RAP1GAP2: variants seen among roughly 807,000 people sequenced by gnomAD.
The protein encoded by RAP1GAP2 is RAP1 GTPase activating protein 2.
A neutral mutation model predicts 95.0 loss-of-function variants in RAP1GAP2; 27 were observed. That is an observed-to-expected ratio of 0.28 (90% confidence interval 0.21 to 0.39). RAP1GAP2 has a LOEUF of 0.39. Among genes scored for constraint, RAP1GAP2 ranks in the 10% least tolerant of loss-of-function variants. The probability of loss-of-function intolerance (pLI) is 1.00; values close to 1 mark genes in which losing one functional copy is unlikely to be tolerated. For missense variants in RAP1GAP2, 771 were observed against 970.0 expected, an observed-to-expected ratio of 0.79 and a Z score of 2.72; for synonymous variants, 373 against 380.9, an observed-to-expected ratio of 0.98 and a Z score of 0.24.
At chr17:2,873,474 CAAAAAAAAAAAAAAAAAA>C (rs71153308) in intron 2 of RAP1GAP2, among the ~76,000 whole-genome samples, 12 of 11,422 alleles carry the variant, frequency 1.1e-3, no homozygotes, top group East Asian at 7.7e-3. Flanking sequence ...GACCCTGTCT[CAAAAAAAAAAAAAAAAAA>C]AAAAAAAAAA....
intron 12 of RAP1GAP2, among the ~76,000 whole-genome samples, chr17:2,993,003 G>A (rs2151570356): frequency 6.8e-6 from 1 of 147,000 alleles, no homozygotes; most frequent in East Asian, 2.0e-4. Flanking sequence ...GAGGTCAGGA[G>A]TTTGAGACCA....
At chr17:2,990,931 G>A (rs1181598960) in intron 11 of RAP1GAP2, among the ~76,000 whole-genome samples, 3 of 148,616 alleles carry the variant, frequency 2.0e-5, no homozygotes, top group African/African-American at 5.0e-5. Context: ...TGCAACCTCC[G>A]CTTCCCAGGC....
intron 1 of RAP1GAP2, among the ~76,000 whole-genome samples, chr17:2,781,871 T>G (rs1462989898): frequency 2.8e-5 from 4 of 145,372 alleles, no homozygotes; most frequent in African/African-American, 5.1e-5. Flanking sequence ...TCTCTGTGTG[T>G]GCACGTCTCT....
chr17:3,030,987 A>G lies in RAP1GAP2; in HGVS notation c.2173A>G (p.Ser725Gly). 2 of 1,607,402 alleles carry G rather than the reference A, an allele frequency of 1.2e-6. No individual in the cohort carries two copies. Among genetic ancestry groups the G allele is most frequent in the Non-Finnish European group, 1.7e-6 (2 of 1,176,866 alleles). Residue 725 changes from serine to glycine, a missense_variant, in exon 23 of 25, where the codon AGC (serine) becomes GGC (glycine). Ser to Gly is a moderately conservative substitution (Grantham distance 56). Transcript: ENST00000254695. ...KFRFDKLSHA[S>G]SGAGH ...CCGCTTTGACAAGCTCAGCCATGCCAGCTCTGGTGCGGTAAGGATGCGCCT... is the reference window on the plus strand; with the variant it reads ...CCGCTTTGACAAGCTCAGCCATGCCGGCTCTGGTGCGGTAAGGATGCGCCT...
intron 3 of RAP1GAP2, among the ~76,000 whole-genome samples, chr17:2,956,745 T>G (rs571479729): frequency 6.6e-6 from 1 of 152,342 alleles, no homozygotes; most frequent in African/African-American, 2.4e-5. Context: ...CCATTCCGCT[T>G]CCCTTTTCTC....
intron 2 of RAP1GAP2, among the ~76,000 whole-genome samples, chr17:2,900,502 T>C (rs1425220568): frequency 2.0e-5 from 3 of 152,056 alleles, no homozygotes; most frequent in African/African-American, 7.2e-5. Context: ...AGTGCCATGG[T>C]GAGATCTCGG....
intron 22 of RAP1GAP2, 138 bp from the exon 23 acceptor site, chr17:3,030,783 CG>C (rs1567919193): frequency 1.4e-6 from 1 of 730,112 alleles, no homozygotes; most frequent in Non-Finnish European, 2.3e-6. Flanking sequence ...TCTCGTGGGT[CG>C]GCACAGGTCA....
chr17:2,800,451 A>G, intron 1 of RAP1GAP2, 64 bp from the exon 2 acceptor site: 1 of 1,566,162 alleles, frequency 6.4e-7, no homozygotes, highest in Non-Finnish European at 8.7e-7. Flanking sequence ...ACTCCTCCAT[A>G]CAGATGCTAT....
rs1288348884 is a variant in RAP1GAP2 at position 3,008,613 on chromosome 17, G to A, written c.1494+468G>A. 6.6e-6 allele frequency among the ~76,000 whole-genome samples: 1 copy of A among 152,332 alleles called. No individual in the cohort carries two copies. Among genetic ancestry groups the A allele is most frequent in the Admixed American group, 6.5e-5 (1 of 15,304 alleles). On this transcript the variant is annotated intron_variant, in intron 17 of 24. Coordinates refer to ENST00000254695, the MANE Select transcript of RAP1GAP2 (RefSeq NM_015085.5). The surrounding 1 kb of genome is among the most constrained non-coding windows in gnomAD (Gnocchi z 4.2). ...GCCGAGCATTGGAAGACCTGGCTGG[G>A]CAGGGGCCATGGAACTATAGGCAAG...
At chr17:2,780,104 G>A (rs553744671) in intron 1 of RAP1GAP2, among the ~76,000 whole-genome samples, 75 of 152,320 alleles carry the variant, frequency 4.9e-4, no homozygotes, top group African/African-American at 8.7e-4. Context: ...AGGCTGGAGT[G>A]CAGTGGCGCG....
chr17:3,024,281 A>G (rs180829499), intron 19 of RAP1GAP2, among the ~76,000 whole-genome samples: 41 of 152,326 alleles, frequency 2.7e-4, no homozygotes, highest in Admixed American at 2.7e-3. Context: ...AAGTCCAGCA[A>G]AGTGAGCCAA....
intron 2 of RAP1GAP2, among the ~76,000 whole-genome samples, chr17:2,893,229 C>T (rs747723760): frequency 4.1e-4 from 62 of 151,932 alleles, no homozygotes; most frequent in African/African-American, 9.4e-4. Flanking sequence ...TTAGTAGAGA[C>T]GTGGTTTCTC....
Position 2,800,546 on chromosome 17 carries a change from G to T in RAP1GAP2, c.76G>T (p.Val26Phe), listed in dbSNP as rs1461971606. ...CAAGACCATGCTGGCAAGTCTGAAG[G>T]TCAAGTAAGTAGCAATTTCCTGTTC... ...IDKTMLASLK[V>F]KKQELANSSD... Residue 26 changes from valine (V) to phenylalanine (F), a missense_variant, in exon 2 of 25, where the codon GTC becomes TTC. Physicochemically the swap from Val to Phe is conservative, Grantham distance 50 (BLOSUM62 -1). Transcript: ENST00000254695. 5 of 1,612,674 alleles carry T rather than the reference G, an allele frequency of 3.1e-6. No individual in the cohort carries two copies. Among genetic ancestry groups the T allele is most frequent in the African/African-American group, 1.3e-5 (1 of 74,922 alleles).
intron 1 of RAP1GAP2, among the ~76,000 whole-genome samples, chr17:2,757,356 G>C (rs8080633): frequency 6.6e-6 from 1 of 152,030 alleles, no homozygotes; most frequent in Non-Finnish European, 1.5e-5. Context: ...TCCTGGGCTC[G>C]AGCGATCTAC....
rs1277840465 is a variant in RAP1GAP2 at position 3,008,146 on chromosome 17, G to A, written c.1494+1G>A. On this transcript the variant is annotated splice_donor_variant, in intron 17 of 24. Transcript: ENST00000254695. LOFTEE classifies it high-confidence loss of function. This position sits in a 1 kb window ranked among gnomAD's most constrained non-coding sequence, Gnocchi z 4.2. ...CGGGGGGTTCCTGGAGTCTTTTAAGGTATGAGCGTCAGAGTGACTGATGGT... is the reference window on the plus strand; with the variant it reads ...CGGGGGGTTCCTGGAGTCTTTTAAGATATGAGCGTCAGAGTGACTGATGGT... 1 of 1,613,978 alleles carries A rather than the reference G, an allele frequency of 6.2e-7. No homozygotes were observed. Among genetic ancestry groups the A allele is most frequent in the Admixed American group, 1.7e-5 (1 of 60,026 alleles).
At chr17:3,030,379 A>T (rs7216028) in intron 22 of RAP1GAP2, among the ~76,000 whole-genome samples, 22,813 of 152,096 alleles carry the variant, frequency 0.15, 1,803 homozygotes, top group Middle Eastern at 0.23. Flanking sequence ...TTGAAGTTTC[A>T]TGTAAATTCC....
Position 3,032,403 on chromosome 17 carries a change from T to G in RAP1GAP2, c.2185-8T>G, listed in dbSNP as rs755163012. On this transcript the variant is annotated splice_region_variant and splice_polypyrimidine_tract_variant and intron_variant, in intron 23 of 24. Transcript: ENST00000254695. ...TTTAAACTCCTGTATGGATTTTTGT[T>G]GAAACAGGGTCACTAATGTGAAAGT... 2.5e-6 allele frequency: 4 copies of G among 1,613,972 alleles called. No homozygotes were observed. The highest frequency in any genetic ancestry group is 3.4e-6 in the Non-Finnish European group (4 of 1,179,828).
intron 1 of RAP1GAP2, among the ~76,000 whole-genome samples, chr17:2,761,243 C>T (rs942744229): frequency 2.0e-5 from 3 of 150,222 alleles, no homozygotes; most frequent in South Asian, 4.2e-4. Context: ...GAGTGAGCCA[C>T]TGAGCCTGGC....
In RAP1GAP2 at chr17:2,963,135, T is replaced by G; in HGVS notation, c.247-295T>G. ...AAGGGGTGCTGGGGGAGACTAGGGG[T>G]CATTTTCCGGAATGAGCGTTCTAGG... On this transcript the variant is annotated intron_variant, in intron 5 of 24. Coordinates refer to ENST00000254695, the MANE Select transcript of RAP1GAP2 (RefSeq NM_015085.5). The surrounding 1 kb of genome is among the most constrained non-coding windows in gnomAD (Gnocchi z 4.8). The G allele has an allele frequency of 3.7e-6, 2 of 546,306 alleles. No individual in the cohort carries two copies. The highest frequency in any genetic ancestry group is 6.5e-6 in the Non-Finnish European group (2 of 306,912). The allele number at this position is 546,306 out of a possible 1,614,324, so 33.8% of individuals were successfully genotyped here.
Sources: gnomAD v4.1 joint callset for allele counts (sites outside exome capture counted in the v4.1 genomes callset) on GRCh38, gnomAD v4.1.1 for gene constraint, Gnocchi (gnomAD v3.1) non-coding constraint, MANE v1.5 for transcripts, NCBI Gene and HGNC (gene_info 2026-07-23, HGNC 2026-07-21) for gene names.